The following SYT1 variants were observed in gnomAD, a reference collection of about 807,000 sequenced individuals.
SYT1 encodes the protein synaptotagmin 1.
A neutral mutation model predicts 44.8 loss-of-function variants in SYT1; 8 were observed. The ratio of observed to expected loss-of-function variants is 0.18; its 90% confidence interval spans 0.10 to 0.32. SYT1 has a LOEUF of 0.32. Among genes scored for constraint, SYT1 ranks in the 10% least tolerant of loss-of-function variants. SYT1 has a pLI of 1.00. For synonymous variants in SYT1, 154 were observed against 188.8 expected (o/e 0.82, Z 1.51); for missense variants, 286 against 509.3 (o/e 0.56, Z 4.22).
intron 1 of SYT1, among the ~76,000 whole-genome samples, chr12:78,969,461 T>A (rs531363020): frequency 6.6e-6 from 1 of 152,228 alleles, no homozygotes; most frequent in African/African-American, 2.4e-5. Context: ...GGTAAAAACA[T>A]ATCTTGGTTG....
At chr12:79,396,500 T>A (rs1209127877) in intron 9 of SYT1, among the ~76,000 whole-genome samples, 1 of 152,142 alleles carries the variant, frequency 6.6e-6, no homozygotes, top group Non-Finnish European at 1.5e-5. Flanking sequence ...GAAATAATTA[T>A]TTTTTGAAAG....
chr12:79,263,046 C>T (rs568131769), intron 4 of SYT1, among the ~76,000 whole-genome samples: 12 of 152,274 alleles, frequency 7.9e-5, no homozygotes, highest in Non-Finnish European at 1.5e-4. Flanking sequence ...CGCTTACTGC[C>T]CCCTCTGCAA....
intron 2 of SYT1, among the ~76,000 whole-genome samples, chr12:79,043,700 C>T (rs1464002455): frequency 2.6e-5 from 4 of 152,032 alleles, no homozygotes; most frequent in Non-Finnish European, 2.9e-5. Context: ...GCTGGTTAGT[C>T]GATGCAGTTT....
At chr12:79,044,723 G>A (rs1395547295) in intron 2 of SYT1, among the ~76,000 whole-genome samples, 1 of 149,752 alleles carries the variant, frequency 6.7e-6, no homozygotes, top group Non-Finnish European at 1.5e-5. Flanking sequence ...AGAGTTTCCA[G>A]TTTTTCTGTT....
intron 4 of SYT1, among the ~76,000 whole-genome samples, chr12:79,269,936 C>T (rs1878333358): frequency 6.6e-6 from 1 of 152,104 alleles, no homozygotes. Context: ...AAATTATGTT[C>T]TATGAGACTT....
At chr12:79,215,272 T>C (rs1304587926) in intron 3 of SYT1, among the ~76,000 whole-genome samples, 2 of 152,282 alleles carry the variant, frequency 1.3e-5, no homozygotes, top group Non-Finnish European at 2.9e-5. Context: ...GTCTGTTCCA[T>C]TGATCCACTG....
At chr12:79,292,700 C>T (rs760494798) in intron 6 of SYT1, among the ~76,000 whole-genome samples, 5 of 152,248 alleles carry the variant, frequency 3.3e-5, no homozygotes, top group Admixed American at 1.3e-4. Flanking sequence ...CAGAGACTTA[C>T]TTCTAGTGCC....
intron 3 of SYT1, among the ~76,000 whole-genome samples, chr12:79,054,877 T>C (rs138089934): frequency 6.8e-4 from 104 of 152,070 alleles, no homozygotes; most frequent in African/African-American, 2.2e-3. Flanking sequence ...ATTCAGTGTT[T>C]TGTCACTTTC....
chr12:79,402,041 G>T (rs1885088743), intron 9 of SYT1, among the ~76,000 whole-genome samples: 1 of 152,152 alleles, frequency 6.6e-6, no homozygotes, highest in African/African-American at 2.4e-5. Flanking sequence ...GGGACTTACT[G>T]ATTGTGTAAG....
At chr12:79,401,225 G>A (rs1279488350) in intron 9 of SYT1, among the ~76,000 whole-genome samples, 2 of 151,960 alleles carry the variant, frequency 1.3e-5, no homozygotes, top group Admixed American at 6.6e-5. Flanking sequence ...CAAACATACC[G>A]AATATCAAGA....
intron 1 of SYT1, among the ~76,000 whole-genome samples, chr12:78,954,213 T>C (rs1342462746): frequency 6.6e-6 from 1 of 152,092 alleles, no homozygotes; most frequent in Non-Finnish European, 1.5e-5. Flanking sequence ...ACACATGTTT[T>C]CTTTTTGGTA....
At position 79,085,395 on chromosome 12, in the gene SYT1, C is replaced by T. The variant is rs917667627; in HGVS notation, c.-18+38033C>T. On this transcript the variant is annotated intron_variant, in intron 3 of 10. Coordinates refer to ENST00000261205, the MANE Select transcript of SYT1 (RefSeq NM_005639.3). ...ATGCTCAGCCTATACAAAAATGACT[C>T]TTATGCTTGAAAATCTTAGTCCGTC... Among the ~76,000 whole-genome samples, 3 of 152,186 alleles carry T rather than the reference C, an allele frequency of 2.0e-5. No individual in the cohort carries two copies. In the South Asian group the frequency reaches 6.2e-4, roughly 32 times the overall value.
At chr12:78,892,251 G>A (rs983357479) in intron 1 of SYT1, among the ~76,000 whole-genome samples, 3 of 151,698 alleles carry the variant, frequency 2.0e-5, no homozygotes, top group Admixed American at 6.6e-5. Flanking sequence ...ATCTTATCAC[G>A]TTTTTAACAT....
chr12:78,987,069 A>G (rs1334200750), intron 2 of SYT1, among the ~76,000 whole-genome samples: 1 of 152,064 alleles, frequency 6.6e-6, no homozygotes, highest in Admixed American at 6.6e-5. Context: ...GGTCACCTTA[A>G]ATTTCAGATG....
chr12:79,181,993 A>C (rs1371327512), intron 3 of SYT1, among the ~76,000 whole-genome samples: 1 of 151,824 alleles, frequency 6.6e-6, no homozygotes, highest in African/African-American at 2.4e-5. Context: ...AATCTTTCTC[A>C]CTTCTGGTAA....
At chr12:79,102,830 TTCTC>T (rs1878517719) in intron 3 of SYT1, among the ~76,000 whole-genome samples, 2 of 152,226 alleles carry the variant, frequency 1.3e-5, no homozygotes, top group Admixed American at 1.3e-4. Context: ...TGGTCATTTG[TTCTC>T]TGAGATAATA....
chr12:78,893,704 A>C (rs1875179637), intron 1 of SYT1, among the ~76,000 whole-genome samples: 1 of 151,874 alleles, frequency 6.6e-6, no homozygotes, highest in African/African-American at 2.4e-5. Flanking sequence ...ACTTTAACTA[A>C]AAAGATAGGT....
intron 1 of SYT1, among the ~76,000 whole-genome samples, chr12:78,917,765 A>G (rs1350496173): frequency 2.0e-5 from 3 of 152,004 alleles, no homozygotes; most frequent in Admixed American, 6.6e-5. Context: ...CTCATATTGA[A>G]TTTAAGGTTG....
chr12:79,138,441 C>A (rs1362154371), intron 3 of SYT1, among the ~76,000 whole-genome samples: 2 of 152,148 alleles, frequency 1.3e-5, no homozygotes, highest in African/African-American at 4.8e-5. Flanking sequence ...GCAGTAATAA[C>A]TATTACTAGT....
Sources: allele counts gnomAD v4.1 joint callset (sites outside exome capture counted in the v4.1 genomes callset), GRCh38; gene constraint gnomAD v4.1.1; transcripts MANE v1.5; gene names NCBI Gene and HGNC (gene_info 2026-07-23, HGNC 2026-07-21).